The following CDH13 variants were observed in gnomAD, a reference collection of about 807,000 sequenced individuals.
CDH13 encodes the protein cadherin 13, also known as cadherin-13.
CDH13 carries 24 observed loss-of-function variants against 63.8 expected under a neutral mutation model. The ratio of observed to expected loss-of-function variants is 0.38; its 90% CI spans 0.27 to 0.53. CDH13 has a LOEUF of 0.53. CDH13 is among the 20% of genes least tolerant of loss of function. CDH13 has a pLI of 0.85. For missense variants in CDH13, 1,049 were observed against 903.1 expected (o/e 1.16, Z -2.07); for synonymous variants, 503 against 355.3 (o/e 1.42, Z -4.67).
At chr16:82,987,106 G>C (rs954247131) in intron 2 of CDH13, among the ~76,000 whole-genome samples, 2 of 152,144 alleles carry the variant, frequency 1.3e-5, no homozygotes, top group South Asian at 4.1e-4. Context: ...GAATCAGTGA[G>C]GAGCGGCTGT....
intron 2 of CDH13, among the ~76,000 whole-genome samples, chr16:83,015,370 C>T (rs908598172): frequency 2.0e-5 from 3 of 151,536 alleles, no homozygotes; most frequent in Non-Finnish European, 4.4e-5. Flanking sequence ...ACCAAATCTC[C>T]ACCCTCAAAG....
intron 3 of CDH13, among the ~76,000 whole-genome samples, chr16:83,038,597 G>A (rs1463471484): frequency 6.6e-6 from 1 of 152,176 alleles, no homozygotes; most frequent in East Asian, 1.9e-4. Context: ...CAAATCTGCT[G>A]TTTCTCATGG....
At chr16:83,697,536 C>T (rs1467334885) in intron 10 of CDH13, among the ~76,000 whole-genome samples, 4 of 152,126 alleles carry the variant, frequency 2.6e-5, no homozygotes, top group East Asian at 1.9e-4. Context: ...CAACTGTATA[C>T]GTTAAGGAAG....
intron 2 of CDH13, among the ~76,000 whole-genome samples, chr16:82,972,245 C>A (rs866232823): frequency 7.0e-6 from 1 of 142,784 alleles, no homozygotes; most frequent in Non-Finnish European, 1.5e-5. Flanking sequence ...CAGAAATCTA[C>A]TATAGAGAAA....
At chr16:83,384,918 T>C (rs1214903573) in intron 6 of CDH13, among the ~76,000 whole-genome samples, 1 of 152,250 alleles carries the variant, frequency 6.6e-6, no homozygotes, top group Non-Finnish European at 1.5e-5. Flanking sequence ...AAGTATTTTG[T>C]ACATAGTATA....
chr16:83,006,906 T>C (rs202121841), intron 2 of CDH13, among the ~76,000 whole-genome samples: 1 of 124,884 alleles, frequency 8.0e-6, no homozygotes, highest in Non-Finnish European at 1.8e-5. Flanking sequence ...TTGATTTTTT[T>C]TGTTTGTTTG....
At chr16:82,895,393 G>A (rs1414612154) in intron 2 of CDH13, among the ~76,000 whole-genome samples, 2 of 152,006 alleles carry the variant, frequency 1.3e-5, no homozygotes, top group African/African-American at 4.8e-5. Context: ...CTCATCATCT[G>A]GTCCTTTTCC....
At chr16:83,594,146 C>G (rs547320098) in intron 7 of CDH13, among the ~76,000 whole-genome samples, 3 of 152,294 alleles carry the variant, frequency 2.0e-5, no homozygotes, top group African/African-American at 7.2e-5. Flanking sequence ...GCATGGTTGG[C>G]AATTGCTTTT....
intron 2 of CDH13, among the ~76,000 whole-genome samples, chr16:83,017,108 A>G (rs1036799609): frequency 6.6e-6 from 1 of 152,220 alleles, no homozygotes; most frequent in African/African-American, 2.4e-5. Flanking sequence ...AAAGAACACT[A>G]GTAACAGCTC....
intron 3 of CDH13, among the ~76,000 whole-genome samples, chr16:83,103,993 T>A (rs1457756345): frequency 6.6e-6 from 1 of 152,218 alleles, no homozygotes. Context: ...TTTCTCTTGG[T>A]CCCATAATAG....
chr16:82,817,263 A>G (rs76283839), intron 1 of CDH13, among the ~76,000 whole-genome samples: 3,417 of 152,058 alleles, frequency 0.022, 118 homozygotes, highest in African/African-American at 0.078. Context: ...CCCTACACCC[A>G]GTGGCCATAC....
At chr16:82,633,856 C>T (rs1169397893) in intron 1 of CDH13, among the ~76,000 whole-genome samples, 1 of 152,180 alleles carries the variant, frequency 6.6e-6, no homozygotes, top group Non-Finnish European at 1.5e-5. Context: ...CATCCCATAC[C>T]AGCAGGTGAG....
At chr16:83,082,769 T>G (rs753090790) in intron 3 of CDH13, among the ~76,000 whole-genome samples, 3 of 152,218 alleles carry the variant, frequency 2.0e-5, no homozygotes, top group African/African-American at 7.2e-5. Flanking sequence ...ATCAAGAGAT[T>G]TGGCATAAGA....
intron 2 of CDH13, among the ~76,000 whole-genome samples, chr16:82,877,084 C>A (rs7192135): frequency 0.1 from 15,190 of 152,202 alleles, 848 homozygotes; most frequent in Non-Finnish European, 0.12. Context: ...TTAACAGAAT[C>A]TCAGCAACAT....
At chr16:83,258,606 G>A (rs1179450024) in intron 5 of CDH13, among the ~76,000 whole-genome samples, 1 of 152,188 alleles carries the variant, frequency 6.6e-6, no homozygotes, top group African/African-American at 2.4e-5. Context: ...GCACTTTTCA[G>A]AGGTGGCCAA....
chr16:83,590,978 T>C (rs1453111769), intron 7 of CDH13, among the ~76,000 whole-genome samples: 1 of 149,562 alleles, frequency 6.7e-6, no homozygotes, highest in Non-Finnish European at 1.5e-5. Context: ...TGGCGTGATC[T>C]TAGCACACCG....
At chr16:82,977,309 A>G (rs922267575) in intron 2 of CDH13, among the ~76,000 whole-genome samples, 1 of 152,164 alleles carries the variant, frequency 6.6e-6, no homozygotes, top group Non-Finnish European at 1.5e-5. Context: ...GGGCCAGGGT[A>G]TTAACCAGAA....
chr16:83,791,066 C>T (rs896926799), intron 13 of CDH13, among the ~76,000 whole-genome samples: 2 of 151,898 alleles, frequency 1.3e-5, no homozygotes, highest in African/African-American at 2.4e-5. Flanking sequence ...GCCTGTAATC[C>T]CAGCACTTTG....
At chr16:82,676,490 T>C (rs8054491) in intron 1 of CDH13, among the ~76,000 whole-genome samples, 11,425 of 136,390 alleles carry the variant, frequency 0.084, 518 homozygotes, top group Middle Eastern at 0.15. Context: ...TCATTTCTTT[T>C]TTTTTTTTTT....
Sources: allele counts gnomAD v4.1 joint callset (sites outside exome capture counted in the v4.1 genomes callset), GRCh38; gene constraint gnomAD v4.1.1; transcripts MANE v1.5; gene names NCBI Gene and HGNC (gene_info 2026-07-23, HGNC 2026-07-21).